HS6ST3: variants seen among roughly 807,000 people sequenced by gnomAD.
HS6ST3 encodes heparan-sulfate 6-O-sulfotransferase 3.
Under a neutral mutation model 36.7 loss-of-function variants are expected in HS6ST3, and 12 were observed. The ratio of observed to expected loss-of-function variants is 0.33; its 90% CI spans 0.21 to 0.53. HS6ST3 has a LOEUF of 0.53. HS6ST3 is among the 20% of genes least tolerant of loss of function. The pLI, the probability that HS6ST3 is intolerant of heterozygous loss-of-function variation, is 0.95. For missense variants in HS6ST3, 584 were observed against 640.9 expected (o/e 0.91, Z 0.96); for synonymous variants, 240 against 257.5 (o/e 0.93, Z 0.65).
intron 1 of HS6ST3, among the ~76,000 whole-genome samples, chr13:96,359,518 T>A (rs2055226980): frequency 1.3e-5 from 2 of 152,188 alleles, no homozygotes; most frequent in South Asian, 4.1e-4. Context: ...TATGAGCAGC[T>A]CGGTATCACC....
intron 1 of HS6ST3, among the ~76,000 whole-genome samples, chr13:96,589,283 G>T (rs2056374224): frequency 6.6e-6 from 1 of 151,932 alleles, no homozygotes; most frequent in Non-Finnish European, 1.5e-5. Context: ...TAGGTTGTAA[G>T]CATCAAGGAA....
intron 1 of HS6ST3, among the ~76,000 whole-genome samples, chr13:96,770,799 G>T (rs1481907718): frequency 6.6e-6 from 1 of 152,198 alleles, no homozygotes; most frequent in Non-Finnish European, 1.5e-5. Context: ...CTGCTGTGCA[G>T]GTTGCCCCAT....
At chr13:96,411,940 AAGG>A (rs2055509568) in intron 1 of HS6ST3, among the ~76,000 whole-genome samples, 1 of 152,204 alleles carries the variant, frequency 6.6e-6, no homozygotes, top group South Asian at 2.1e-4. Flanking sequence ...AGGAAATTAG[AAGG>A]AGAAGCAGAT....
chr13:96,248,699 G>A (rs574934265), intron 1 of HS6ST3, among the ~76,000 whole-genome samples: 1 of 152,206 alleles, frequency 6.6e-6, no homozygotes, highest in South Asian at 2.1e-4. Flanking sequence ...ACATTGGACA[G>A]GTATTTGGAT....
intron 1 of HS6ST3, among the ~76,000 whole-genome samples, chr13:96,263,182 C>T (rs1356791889): frequency 6.6e-6 from 1 of 152,160 alleles, no homozygotes; most frequent in African/African-American, 2.4e-5. Flanking sequence ...TGGTGACAGT[C>T]ACAAGTTTGG....
At chr13:96,444,219 C>G (rs907665009) in intron 1 of HS6ST3, among the ~76,000 whole-genome samples, 1 of 152,062 alleles carries the variant, frequency 6.6e-6, no homozygotes, top group Non-Finnish European at 1.5e-5. Context: ...AAAAGAAATT[C>G]TCAAATGTGG....
chr13:96,360,796 A>C (rs2055234399), intron 1 of HS6ST3, among the ~76,000 whole-genome samples: 1 of 151,922 alleles, frequency 6.6e-6, no homozygotes, highest in Admixed American at 6.6e-5. Context: ...AAAATACAAA[A>C]ATTAGCCAGG....
At chr13:96,219,027 A>G (rs761212336) in intron 1 of HS6ST3, among the ~76,000 whole-genome samples, 1 of 152,024 alleles carries the variant, frequency 6.6e-6, no homozygotes, top group Non-Finnish European at 1.5e-5. Flanking sequence ...TTTCACACGA[A>G]GTTGCCCTTG....
At chr13:96,170,645 GATAAAGACC>G (rs1368100560) in intron 1 of HS6ST3, among the ~76,000 whole-genome samples, 12 of 152,148 alleles carry the variant, frequency 7.9e-5, no homozygotes, top group Middle Eastern at 3.2e-3. Context: ...GACTCAGATT[GATAAAGACC>G]TCACTGGAAC....
intron 1 of HS6ST3, among the ~76,000 whole-genome samples, chr13:96,649,049 G>A (rs950383594): frequency 6.6e-6 from 1 of 151,954 alleles, no homozygotes; most frequent in Non-Finnish European, 1.5e-5. Flanking sequence ...CTCAAAATGT[G>A]ATGATCTGGA....
intron 1 of HS6ST3, among the ~76,000 whole-genome samples, chr13:96,581,327 C>A (rs2056341373): frequency 6.6e-6 from 1 of 151,468 alleles, no homozygotes; most frequent in South Asian, 2.1e-4. Flanking sequence ...TTAAGCGATT[C>A]TCCTGCCTCA....
chr13:96,713,304 A>G (rs947633079), intron 1 of HS6ST3, among the ~76,000 whole-genome samples: 2 of 152,208 alleles, frequency 1.3e-5, no homozygotes, highest in African/African-American at 4.8e-5. Context: ...GGCTCTTTGG[A>G]TCCTTTGCAT....
intron 1 of HS6ST3, among the ~76,000 whole-genome samples, chr13:96,641,702 T>C (rs978054484): frequency 1.3e-5 from 2 of 151,876 alleles, no homozygotes; most frequent in African/African-American, 4.8e-5. Flanking sequence ...CTGAGGATTA[T>C]AATTAACATC....
intron 1 of HS6ST3, among the ~76,000 whole-genome samples, chr13:96,263,716 G>A (rs1461225024): frequency 6.6e-6 from 1 of 152,194 alleles, no homozygotes; most frequent in Non-Finnish European, 1.5e-5. Flanking sequence ...GATAGCGGAA[G>A]CCAAGATTCA....
intron 1 of HS6ST3, among the ~76,000 whole-genome samples, chr13:96,782,574 G>T (rs1236398717): frequency 6.6e-6 from 1 of 152,130 alleles, no homozygotes; most frequent in African/African-American, 2.4e-5. Flanking sequence ...TGGCAAATGT[G>T]ATGCTCTTTC....
At chr13:96,512,799 T>C (rs1384174212) in intron 1 of HS6ST3, among the ~76,000 whole-genome samples, 3 of 152,156 alleles carry the variant, frequency 2.0e-5, no homozygotes, top group Non-Finnish European at 2.9e-5. Flanking sequence ...TTGTTTTTTT[T>C]CTGTGGGTAA....
intron 1 of HS6ST3, among the ~76,000 whole-genome samples, chr13:96,654,798 T>C (rs2139015061): frequency 6.6e-6 from 1 of 152,268 alleles, no homozygotes; most frequent in South Asian, 2.1e-4. Context: ...AAGATGTCTG[T>C]AGTGAAGCAG....
chr13:96,786,324 T>C (rs1288346400), intron 1 of HS6ST3, among the ~76,000 whole-genome samples: 1 of 152,208 alleles, frequency 6.6e-6, no homozygotes, highest in Non-Finnish European at 1.5e-5. Flanking sequence ...GTTCAGTTCT[T>C]GGTAGCACTT....
intron 1 of HS6ST3, among the ~76,000 whole-genome samples, chr13:96,570,911 A>T (rs1594809303): frequency 6.6e-6 from 1 of 152,202 alleles, no homozygotes; most frequent in Admixed American, 6.5e-5. Flanking sequence ...AGGATGTAAC[A>T]TATAAGCTGG....
Sources: allele counts gnomAD v4.1 joint callset (sites outside exome capture counted in the v4.1 genomes callset), GRCh38; gene constraint gnomAD v4.1.1; transcripts MANE v1.5; gene names NCBI Gene and HGNC (gene_info 2026-07-23, HGNC 2026-07-21).